RPIA: variants seen among roughly 807,000 people sequenced by gnomAD.
The protein encoded by RPIA is ribose 5-phosphate isomerase A, also known as ribose-5-phosphate isomerase.
RPIA carries 29 observed loss-of-function variants against 37.8 expected under a neutral mutation model. That is an observed-to-expected ratio of 0.77 (90% CI 0.57 to 1.05). RPIA has a LOEUF of 1.05. RPIA is among the 50% of genes least tolerant of loss of function. The pLI is 0.00. For synonymous variants in RPIA, 167 were observed against 157.0 expected, an observed-to-expected ratio of 1.06 and a Z score of -0.48; for missense variants, 385 against 413.6, an observed-to-expected ratio of 0.93 and a Z score of 0.60.
intron 3 of RPIA, among the ~76,000 whole-genome samples, chr2:88,721,647 C>T (rs1226882800): frequency 6.9e-6 from 1 of 144,640 alleles, no homozygotes; most frequent in Non-Finnish European, 1.5e-5. Flanking sequence ...GCCCAAATGC[C>T]CATCAGTGAT....
At chr2:88,723,762 A>AG (rs1169372810) in intron 3 of RPIA, among the ~76,000 whole-genome samples, 2 of 152,146 alleles carry the variant, frequency 1.3e-5, no homozygotes, top group African/African-American at 4.8e-5. Flanking sequence ...ACACCTCAGG[A>AG]GGTCCTGACG....
rs1558686973 is a variant in RPIA at position 88,695,742 on chromosome 2, G to C, written c.286-2742G>C. ...TTGGTATAGGTGGAATCCTGACCTAGTGCGAGCCCTGTTCTGACAGCCCAA... is the reference window on the plus strand; with the variant it reads ...TTGGTATAGGTGGAATCCTGACCTACTGCGAGCCCTGTTCTGACAGCCCAA... On this transcript the variant is annotated intron_variant, in intron 1 of 8. Transcript: ENST00000283646. 3.3e-5 allele frequency among the ~76,000 whole-genome samples: 5 copies of C among 152,188 alleles called. No homozygotes were observed. In the South Asian group the frequency reaches 8.3e-4, roughly 25 times the overall value.
At chr2:88,700,193 G>A (rs995255990) in intron 3 of RPIA, 129 bp downstream of exon 3, 2 of 851,828 alleles carry the variant, frequency 2.3e-6, no homozygotes, top group Non-Finnish European at 4.1e-6. Flanking sequence ...GAATAGGAGA[G>A]TTTATTGACC....
chr2:88,743,936 C>T lies in RPIA; in HGVS notation c.838+5860C>T, dbSNP rs567775806. Among the ~76,000 whole-genome samples the T allele has an allele frequency of 5.9e-4, 90 of 152,126 alleles. No homozygotes were observed. The East Asian group carries it at 7.5e-3, about 13-fold the overall frequency. The stretch of plus-strand genomic sequence containing the variant: ...TTGGTTAATCTCACTAATGGTCTAT[C>T]GATTTTATCTTTTCAAAGAACCAGG... On this transcript the variant is annotated intron_variant, in intron 8 of 8. Transcript: ENST00000283646.
chr2:88,716,698 G>A (rs568574699), intron 3 of RPIA, among the ~76,000 whole-genome samples: 1 of 152,208 alleles, frequency 6.6e-6, no homozygotes, highest in South Asian at 2.1e-4. Flanking sequence ...CCACTCAAAC[G>A]TAAACTTATT....
intron 3 of RPIA, among the ~76,000 whole-genome samples, chr2:88,723,936 T>C (rs1673165032): frequency 6.6e-6 from 1 of 152,020 alleles, no homozygotes; most frequent in Admixed American, 6.6e-5. Context: ...TTCCAGGTCA[T>C]AAGTATATAA....
chr2:88,724,219 C>G (rs1038388049), intron 3 of RPIA, among the ~76,000 whole-genome samples: 1 of 152,144 alleles, frequency 6.6e-6, no homozygotes, highest in Non-Finnish European at 1.5e-5. Context: ...CTATGGCTAT[C>G]CTCAGGAGCA....
In RPIA at chr2:88,691,912, C is replaced by T. The variant is rs767060673; in HGVS notation, c.214C>T (p.Pro72Ser). 4 of 1,595,088 alleles carry T rather than the reference C, an allele frequency of 2.5e-6. No homozygotes were observed. The highest frequency in any genetic ancestry group is 3.4e-6 in the Non-Finnish European group (4 of 1,171,806). ...GGACTCCAACAGCATCTGCCCGGCC[C>T]CCTCCACGATGTCCAAGGCCGAGGA... ...CGDSNSICPA[P>S]STMSKAEEAK... Residue 72 changes from proline to serine, a missense_variant, in exon 1 of 9, where the codon CCC becomes TCC. This residue lies in a region of RPIA where 232 missense variants were observed against 203.0 expected (regional missense o/e 1.14). Coordinates refer to ENST00000283646, the MANE Select transcript of RPIA (RefSeq NM_144563.3).
intron 1 of RPIA, 38 bp downstream of exon 1, chr2:88,692,021 CT>C: frequency 6.5e-7 from 1 of 1,547,850 alleles, no homozygotes; most frequent in Non-Finnish European, 8.7e-7. Context: ...GGCGCATGTC[CT>C]TGGCGTGATG....
intron 8 of RPIA, among the ~76,000 whole-genome samples, chr2:88,743,167 T>C (rs2104145673): frequency 6.6e-6 from 1 of 152,308 alleles, no homozygotes; most frequent in African/African-American, 2.4e-5. Context: ...TAATACTGGC[T>C]GTAGGTTTGT....
intron 3 of RPIA, among the ~76,000 whole-genome samples, chr2:88,728,910 T>C (rs1339090439): frequency 6.6e-6 from 1 of 152,260 alleles, no homozygotes; most frequent in African/African-American, 2.4e-5. Context: ...ACCATTGGAT[T>C]GTTTTAAAAC....
intron 4 of RPIA, 43 bp downstream of exon 4, chr2:88,729,380 C>T (rs374907215): frequency 3.1e-4 from 482 of 1,577,810 alleles, no homozygotes; most frequent in Non-Finnish European, 3.8e-4. Flanking sequence ...TATTTCTTTC[C>T]GCTTTTTTAT....
chr2:88,735,038 G>A (rs902161378), intron 5 of RPIA, among the ~76,000 whole-genome samples: 1 of 152,230 alleles, frequency 6.6e-6, no homozygotes. Context: ...TATTTCTTAA[G>A]TGCTGATTTG....
rs893604529 is a variant in RPIA, at chr2:88,725,401, T to C, written c.403-3877T>C. Among the ~76,000 whole-genome samples the C allele has an allele frequency of 4.6e-5, 7 of 151,494 alleles. 1 individual carries two copies. In the South Asian group the frequency reaches 1.5e-3, roughly 32 times the overall value. On this transcript the variant is annotated intron_variant, in intron 3 of 8. Coordinates refer to ENST00000283646, the MANE Select transcript of RPIA (RefSeq NM_144563.3). ...AGTTCTGGAGGCTAGAAGTCTGAGA[T>C]GAAGGTGTTGGCAGAATTGGTTCTC...
intron 8 of RPIA, among the ~76,000 whole-genome samples, chr2:88,743,296 C>T (rs935147722): frequency 2.6e-5 from 4 of 151,994 alleles, no homozygotes; most frequent in South Asian, 2.1e-4. Flanking sequence ...TTGAGATGAT[C>T]GTATGATTTT....
At chr2:88,697,083 T>TA (rs1672756697) in intron 1 of RPIA, among the ~76,000 whole-genome samples, 2 of 152,224 alleles carry the variant, frequency 1.3e-5, no homozygotes, top group African/African-American at 4.8e-5. Context: ...GAACAAAACT[T>TA]ACTTGCTTTG....
At chr2:88,722,011 T>C (rs984931428) in intron 3 of RPIA, among the ~76,000 whole-genome samples, 6 of 151,456 alleles carry the variant, frequency 4.0e-5, no homozygotes, top group African/African-American at 1.5e-4. Context: ...TATTGTGCCT[T>C]AGACTCTTCA....
intron 3 of RPIA, among the ~76,000 whole-genome samples, chr2:88,706,512 A>G (rs1445534950): frequency 1.4e-5 from 2 of 140,714 alleles, no homozygotes; most frequent in Admixed American, 7.2e-5. Context: ...GTGAGAACAC[A>G]TGGAGGCAGG....
rs1672785735 is a variant in RPIA at position 88,698,380 on chromosome 2, T to C, written c.286-104T>C. 3.1e-6 allele frequency: 3 copies of C among 969,652 alleles called. No homozygotes were observed. The Admixed American group carries it at 5.2e-5, about 17-fold the overall frequency. The allele number at this position is 969,652 out of a possible 1,614,324, so 60.1% of individuals were successfully genotyped here. ...AGTACCTGTCTTGTACCTGTGTTGG[T>C]GGATTGCTGTTCATAATAATTTTAT... On this transcript the variant is annotated intron_variant, in intron 1 of 8. Coordinates refer to ENST00000283646, the MANE Select transcript of RPIA (RefSeq NM_144563.3).
Sources: allele counts gnomAD v4.1 joint callset (sites outside exome capture counted in the v4.1 genomes callset), GRCh38; gene constraint gnomAD v4.1.1; regional missense constraint gnomAD v4.1.1; transcripts MANE v1.5; gene names NCBI Gene and HGNC (gene_info 2026-07-23, HGNC 2026-07-21).